RFTN1: variants seen among roughly 807,000 people sequenced by gnomAD.
RFTN1 encodes the protein raftlin, lipid raft linker 1.
Under a neutral mutation model 46.5 loss-of-function variants are expected in RFTN1, and 26 were observed. That is an observed-to-expected ratio of 0.56 (90% confidence interval 0.41 to 0.78). The LOEUF is 0.78. Ranked by LOEUF, RFTN1 falls within the 30% of genes least tolerant of loss-of-function variation. RFTN1 has a pLI of 0.00. For synonymous variants in RFTN1, 261 were observed against 284.2 expected, an observed-to-expected ratio of 0.92 and a Z score of 0.82; for missense variants, 693 against 718.7, an observed-to-expected ratio of 0.96 and a Z score of 0.41.
rs1229554869 is a variant in RFTN1 at position 16,479,719 on chromosome 3, C to T, written c.145+14006G>A. On this transcript the variant is annotated intron_variant, in intron 2 of 9. Coordinates refer to ENST00000334133, the MANE Select transcript of RFTN1 (RefSeq NM_015150.2). The surrounding 1 kb of genome is among the most constrained non-coding windows in gnomAD (Gnocchi z 5.1). ...CAGCAGCCCTGATGAGTCCACTCAC[C>T]CCCAGGAAGCTCGTTTGATTGAGGT... is the stretch of plus-strand genomic sequence containing the variant. Among the ~76,000 whole-genome samples, 2 of 152,162 alleles carry T rather than the reference C, an allele frequency of 1.3e-5. No individual in the cohort carries two copies. Among genetic ancestry groups the T allele is most frequent in the Non-Finnish European group, 2.9e-5 (2 of 68,028 alleles).
At position 16,474,458 on chromosome 3, in the gene RFTN1, C is replaced by T. The variant is rs913655216; in HGVS notation, c.145+19267G>A. Among the ~76,000 whole-genome samples the T allele has an allele frequency of 1.3e-5, 2 of 152,200 alleles. No individual in the cohort carries two copies. Among genetic ancestry groups the T allele is most frequent in the Non-Finnish European group, 2.9e-5 (2 of 68,022 alleles). Reference sequence around the variant, plus strand: ...GCTGCTGCTATTTGCCCTCCTCCCCCAAGATAAACAAAGGCTGACCATGAG... The same window carrying T: ...GCTGCTGCTATTTGCCCTCCTCCCCTAAGATAAACAAAGGCTGACCATGAG... On this transcript the variant is annotated intron_variant, in intron 2 of 9. Transcript: ENST00000334133. The surrounding 1 kb of genome is among the most constrained non-coding windows in gnomAD (Gnocchi z 5.5).
At position 16,327,481 on chromosome 3, in the gene RFTN1, C is replaced by T. The variant is rs934284396; in HGVS notation, c.1147-605G>A. 2.1e-4 allele frequency among the ~76,000 whole-genome samples: 32 copies of T among 152,286 alleles called. No individual in the cohort carries two copies. The highest frequency in any genetic ancestry group is 7.2e-4 in the African/African-American group (30 of 41,552). ...TTCAGTTAAAAAACTCAGCCCCGGC[C>T]GGGTGCTGTGGCTCACGTCTGTAAT... On this transcript the variant is annotated intron_variant, in intron 7 of 9. Transcript: ENST00000334133. This position sits in a 1 kb window ranked among gnomAD's most constrained non-coding sequence, Gnocchi z 4.2.
In RFTN1 at chr3:16,479,607, G is replaced by A. The variant is rs1393079080; in HGVS notation, c.145+14118C>T. 3.9e-5 allele frequency among the ~76,000 whole-genome samples: 6 copies of A among 152,308 alleles called. No individual in the cohort carries two copies. Among genetic ancestry groups the A allele is most frequent in the African/African-American group, 1.4e-4 (6 of 41,570 alleles). On this transcript the variant is annotated intron_variant, in intron 2 of 9. Coordinates refer to ENST00000334133, the MANE Select transcript of RFTN1 (RefSeq NM_015150.2). The surrounding 1 kb of genome is among the most constrained non-coding windows in gnomAD (Gnocchi z 5.1). ...ATCTCGACCATTTCTCACCAAGCAA[G>A]CCATGATGGACTGAAGACCGGTGAG...
At chr3:16,398,596 T>C (rs1203432487) in intron 4 of RFTN1, among the ~76,000 whole-genome samples, 1 of 152,262 alleles carries the variant, frequency 6.6e-6, no homozygotes, top group East Asian at 1.9e-4. Flanking sequence ...AGGTGCCCCA[T>C]GGCCACAGCC....
chr3:16,362,914 G>A (rs1320258604), intron 6 of RFTN1, among the ~76,000 whole-genome samples: 3 of 152,144 alleles, frequency 2.0e-5, no homozygotes, highest in Admixed American at 6.5e-5. Context: ...CTGAGTCACA[G>A]GCCTGGGAAG....
In RFTN1 at chr3:16,440,394, AG is replaced by A. The variant is rs936985956; in HGVS notation, c.146-6358del. On this transcript the variant is annotated intron_variant, in intron 2 of 9. Transcript: ENST00000334133. This position sits in a 1 kb window ranked among gnomAD's most constrained non-coding sequence, Gnocchi z 4.6. ...TAATTTTTGTATTTTTAGTAGAGTC[AG>A]GGTTTCACTATGTTGGCCAGGCTGG... Among the ~76,000 whole-genome samples the A allele has an allele frequency of 2.7e-4, 41 of 152,294 alleles. No individual in the cohort carries two copies. Among genetic ancestry groups the A allele is most frequent in the African/African-American group, 9.9e-4 (41 of 41,562 alleles).
At chr3:16,454,174 T>G (rs777102242) in intron 2 of RFTN1, among the ~76,000 whole-genome samples, 1 of 152,382 alleles carries the variant, frequency 6.6e-6, no homozygotes, top group Non-Finnish European at 1.5e-5. Context: ...ATTTTAATAG[T>G]TTCTATCACA....
chr3:16,379,755 T>G (rs1474825932), intron 4 of RFTN1, among the ~76,000 whole-genome samples: 2 of 152,196 alleles, frequency 1.3e-5, no homozygotes, highest in African/African-American at 4.8e-5. Context: ...TCTGAAAATT[T>G]TTTCCCTCAT....
At chr3:16,434,127 G>C in intron 2 of RFTN1, 90 bp from the exon 3 acceptor site, 1 of 1,082,270 alleles carries the variant, frequency 9.2e-7, no homozygotes, top group Non-Finnish European at 1.3e-6. Flanking sequence ...CCTCGGGGAG[G>C]ATCCTCTAGG....
chr3:16,450,472 C>A lies in RFTN1; in HGVS notation c.146-16435G>T, dbSNP rs1015268262. On this transcript the variant is annotated intron_variant, in intron 2 of 9. Transcript: ENST00000334133. The surrounding 1 kb of genome is among the most constrained non-coding windows in gnomAD (Gnocchi z 4.6). ...CATCCAAGGGCTCTCTCCCACTGCA[C>A]CATGATGCTGCATGACCTGAAGTCC... 2.6e-4 allele frequency among the ~76,000 whole-genome samples: 39 copies of A among 152,170 alleles called. No individual in the cohort carries two copies. Among genetic ancestry groups the A allele is most frequent in the African/African-American group, 9.4e-4 (39 of 41,440 alleles).
intron 6 of RFTN1, among the ~76,000 whole-genome samples, chr3:16,363,142 C>T (rs1416510987): frequency 6.6e-6 from 1 of 152,198 alleles, no homozygotes; most frequent in Non-Finnish European, 1.5e-5. Context: ...TTATCTGTAA[C>T]AGCAAAAAAG....
At chr3:16,325,958 A>T (rs1310669862) in intron 8 of RFTN1, among the ~76,000 whole-genome samples, 1 of 152,236 alleles carries the variant, frequency 6.6e-6, no homozygotes, top group Non-Finnish European at 1.5e-5. Context: ...GGCCTGCTCC[A>T]GGAAAAGTGC....
chr3:16,423,010 CAAA>C (rs112956794), intron 3 of RFTN1, among the ~76,000 whole-genome samples: 2 of 151,042 alleles, frequency 1.3e-5, no homozygotes, highest in East Asian at 2.0e-4. Flanking sequence ...ACAAAAAATA[CAAA>C]AAAAATTAGC....
Position 16,507,734 on chromosome 3 carries a change from TAC to T in RFTN1, c.-9+5706_-9+5707del, listed in dbSNP as rs1232675959. 6.9e-6 allele frequency among the ~76,000 whole-genome samples: 1 copy of T among 145,846 alleles called. No homozygotes were observed. The highest frequency in any genetic ancestry group is 1.5e-5 in the Non-Finnish European group (1 of 66,450). The stretch of plus-strand genomic sequence containing the variant: ...ACATACACACATACACACAAACACA[TAC>T]ACACATACATGCACACTCACATACA... On this transcript the variant is annotated intron_variant, in intron 1 of 9. Coordinates refer to ENST00000334133, the MANE Select transcript of RFTN1 (RefSeq NM_015150.2). The surrounding 1 kb of genome is among the most constrained non-coding windows in gnomAD (Gnocchi z 7.1).
rs1165972992 is a variant in RFTN1, at chr3:16,422,811, G to A, written c.332+11040C>T. 1.3e-5 allele frequency among the ~76,000 whole-genome samples: 2 copies of A among 152,132 alleles called. No individual in the cohort carries two copies. The highest frequency in any genetic ancestry group is 2.9e-5 in the Non-Finnish European group (2 of 68,016). On this transcript the variant is annotated intron_variant, in intron 3 of 9. Coordinates refer to ENST00000334133, the MANE Select transcript of RFTN1 (RefSeq NM_015150.2). The surrounding 1 kb of genome is among the most constrained non-coding windows in gnomAD (Gnocchi z 4.6). ...ATAATAAAGGTGGCATTTATTCAAT[G>A]GCAAAGTTAGGTTAACTTAATAAGT...
chr3:16,409,348 C>A, intron 4 of RFTN1, 27 bp downstream of exon 4: 1 of 1,490,880 alleles, frequency 6.7e-7, no homozygotes, highest in South Asian at 1.1e-5. Flanking sequence ...CAAACCTCTT[C>A]AATGGTACCC....
Position 16,483,110 on chromosome 3 carries a change from T to C in RFTN1, c.145+10615A>G, listed in dbSNP as rs916739951. On this transcript the variant is annotated intron_variant, in intron 2 of 9. Transcript: ENST00000334133. This position sits in a 1 kb window ranked among gnomAD's most constrained non-coding sequence, Gnocchi z 4.8. Reference sequence around the variant, plus strand: ...CAGTTCTGCTGAAGAGCTGCAAATGTTATAGATGGATTTGTTATGTTCTAA... The same window carrying C: ...CAGTTCTGCTGAAGAGCTGCAAATGCTATAGATGGATTTGTTATGTTCTAA... Among the ~76,000 whole-genome samples the C allele has an allele frequency of 5.9e-5, 9 of 152,182 alleles. No individual in the cohort carries two copies. The highest frequency in any genetic ancestry group is 1.3e-4 in the Non-Finnish European group (9 of 68,038).
intron 8 of RFTN1, among the ~76,000 whole-genome samples, chr3:16,324,612 G>GTCCC (rs1270315325): frequency 2.1e-4 from 15 of 71,074 alleles, no homozygotes; most frequent in African/African-American, 3.6e-4. Context: ...GAATGTCCCT[G>GTCCC]ACCCCCCCCC....
intron 1 of RFTN1, among the ~76,000 whole-genome samples, chr3:16,501,933 G>C (rs77267120): frequency 1.3e-5 from 2 of 152,012 alleles, no homozygotes; most frequent in African/African-American, 2.4e-5. Context: ...CTGTATTAAC[G>C]GTTTATATGG....
Sources: allele counts gnomAD v4.1 joint callset (sites outside exome capture counted in the v4.1 genomes callset), GRCh38; gene constraint gnomAD v4.1.1; non-coding constraint Gnocchi (gnomAD v3.1); transcripts MANE v1.5; gene names NCBI Gene and HGNC (gene_info 2026-07-23, HGNC 2026-07-21).